CCSER1: variants seen among roughly 807,000 people sequenced by gnomAD.
CCSER1 encodes the protein serine-rich coiled-coil domain-containing protein 1.
Under a neutral mutation model 82.0 loss-of-function variants are expected in CCSER1, and 41 were observed. That is an observed-to-expected ratio of 0.50 (90% CI 0.39 to 0.65). The LOEUF is 0.65. CCSER1 is among the 30% of genes least tolerant of loss of function. CCSER1 has a pLI of 0.00. For missense variants in CCSER1, 1,119 were observed against 1,064.2 expected (o/e 1.05, Z -0.72); for synonymous variants, 414 against 383.9 (o/e 1.08, Z -0.92).
At chr4:91,142,376 T>G (rs912402346) in intron 10 of CCSER1, among the ~76,000 whole-genome samples, 2 of 152,188 alleles carry the variant, frequency 1.3e-5, no homozygotes, top group African/African-American at 4.8e-5. Context: ...CCTTTATAAA[T>G]TACCCAGTGT....
At chr4:90,196,892 C>G (rs1347364382) in intron 1 of CCSER1, among the ~76,000 whole-genome samples, 5 of 151,990 alleles carry the variant, frequency 3.3e-5, no homozygotes, top group Non-Finnish European at 5.9e-5. Flanking sequence ...TTCCATACAT[C>G]AAGCCATCAG....
At chr4:90,237,412 C>T (rs1472135841) in intron 1 of CCSER1, among the ~76,000 whole-genome samples, 1 of 152,012 alleles carries the variant, frequency 6.6e-6, no homozygotes. Context: ...TTTTCTTATG[C>T]TGTAAACCTG....
At chr4:91,144,039 T>C (rs1056270981) in intron 10 of CCSER1, among the ~76,000 whole-genome samples, 3 of 152,074 alleles carry the variant, frequency 2.0e-5, no homozygotes, top group African/African-American at 7.2e-5. Flanking sequence ...TGGAATAGTC[T>C]CAGTAGCTTT....
In CCSER1 at chr4:91,602,827, A is replaced by T. The variant is rs1764861575; in HGVS notation, c.*3770A>T. On this transcript the variant is annotated 3_prime_UTR_variant, in exon 11 of 11. Transcript: ENST00000509176. ...ATAATCAGAAGCTTTTCCCTTATTG[A>T]TAATATTAGCTCAAATGTAGCACCC... is the stretch of plus-strand genomic sequence containing the variant. Among the ~76,000 whole-genome samples, 1 of 151,984 alleles carries T rather than the reference A, an allele frequency of 6.6e-6. No homozygotes were observed. Among genetic ancestry groups the T allele is most frequent in the Non-Finnish European group, 1.5e-5 (1 of 67,946 alleles).
At chr4:90,641,581 C>T (rs1193099253) in intron 6 of CCSER1, among the ~76,000 whole-genome samples, 2 of 152,086 alleles carry the variant, frequency 1.3e-5, no homozygotes. Flanking sequence ...CCCCACAACC[C>T]TTTTTCTTGT....
At chr4:90,273,325 A>G (rs182294162) in intron 1 of CCSER1, among the ~76,000 whole-genome samples, 2 of 152,236 alleles carry the variant, frequency 1.3e-5, no homozygotes, top group East Asian at 3.9e-4. Context: ...ATTATATTCA[A>G]TAACAATTTA....
chr4:90,473,094 C>T (rs1008477844), intron 5 of CCSER1, among the ~76,000 whole-genome samples: 1 of 152,168 alleles, frequency 6.6e-6, no homozygotes, highest in African/African-American at 2.4e-5. Context: ...TTCCTCAAAA[C>T]TCTACATTTC....
intron 7 of CCSER1, among the ~76,000 whole-genome samples, chr4:90,801,637 A>C (rs1756824236): frequency 6.6e-6 from 1 of 152,194 alleles, no homozygotes; most frequent in Admixed American, 6.6e-5. Context: ...ACTGGCTTTG[A>C]ACAACTGTTT....
At chr4:90,707,442 C>A (rs1257349566) in intron 6 of CCSER1, among the ~76,000 whole-genome samples, 1 of 151,572 alleles carries the variant, frequency 6.6e-6, no homozygotes, top group East Asian at 1.9e-4. Context: ...ATCTGTTTAC[C>A]CAGACAACAC....
chr4:90,820,708 CAT>C (rs1759619236), intron 8 of CCSER1, among the ~76,000 whole-genome samples: 1 of 150,772 alleles, frequency 6.6e-6, no homozygotes, highest in Non-Finnish European at 1.5e-5. Context: ...TAGATTATAG[CAT>C]ATTTATATTT....
intron 6 of CCSER1, among the ~76,000 whole-genome samples, chr4:90,653,275 AGT>A (rs1181147903): frequency 6.6e-6 from 1 of 152,158 alleles, no homozygotes; most frequent in East Asian, 1.9e-4. Context: ...TTTTATAAAA[AGT>A]GTATTTTATA....
intron 10 of CCSER1, among the ~76,000 whole-genome samples, chr4:91,508,890 T>C (rs1164185494): frequency 6.6e-6 from 1 of 152,004 alleles, no homozygotes. Flanking sequence ...TGATTCATAA[T>C]ATTTCCCCTT....
chr4:91,364,267 G>T (rs1749456637), intron 10 of CCSER1, among the ~76,000 whole-genome samples: 1 of 151,748 alleles, frequency 6.6e-6, no homozygotes, highest in African/African-American at 2.4e-5. Flanking sequence ...TTTTTTTGAG[G>T]TACAAAAACT....
chr4:90,297,987 G>A (rs940116943), intron 1 of CCSER1, among the ~76,000 whole-genome samples: 3 of 152,016 alleles, frequency 2.0e-5, no homozygotes, highest in African/African-American at 4.8e-5. Context: ...AGGCTTTGGT[G>A]TCAGGATGAT....
At chr4:90,751,554 A>G (rs1748669962) in intron 7 of CCSER1, among the ~76,000 whole-genome samples, 3 of 152,100 alleles carry the variant, frequency 2.0e-5, no homozygotes, top group African/African-American at 7.2e-5. Context: ...ACCAATGAAA[A>G]ATATTTACAA....
At chr4:90,581,401 A>T (rs943819199) in intron 5 of CCSER1, among the ~76,000 whole-genome samples, 5 of 152,152 alleles carry the variant, frequency 3.3e-5, no homozygotes, top group African/African-American at 1.2e-4. Context: ...AGGAAGATAG[A>T]ATGATGAAAT....
intron 5 of CCSER1, among the ~76,000 whole-genome samples, chr4:90,526,206 C>A (rs1216684581): frequency 1.3e-5 from 2 of 152,214 alleles, no homozygotes; most frequent in South Asian, 4.2e-4. Context: ...TTGTAACTTA[C>A]ACTCTGTTCT....
chr4:91,162,064 G>C (rs529168490), intron 10 of CCSER1, among the ~76,000 whole-genome samples: 1 of 152,294 alleles, frequency 6.6e-6, no homozygotes, highest in Non-Finnish European at 1.5e-5. Flanking sequence ...GTTATTGGCT[G>C]TGGGTTTGTC....
chr4:91,498,639 CTT>C (rs1462320222), intron 10 of CCSER1, among the ~76,000 whole-genome samples: 1 of 151,428 alleles, frequency 6.6e-6, no homozygotes, highest in African/African-American at 2.4e-5. Flanking sequence ...TTTTATTTCT[CTT>C]TTTTATTTTG....
Sources: allele counts gnomAD v4.1 joint callset (sites outside exome capture counted in the v4.1 genomes callset), GRCh38; gene constraint gnomAD v4.1.1; transcripts MANE v1.5; gene names NCBI Gene and HGNC (gene_info 2026-07-23, HGNC 2026-07-21).